The following PHF21A variants were observed in gnomAD, a reference collection of about 807,000 sequenced individuals.
PHF21A encodes the protein BHC80a.
A neutral mutation model predicts 82.5 loss-of-function variants in PHF21A; 11 were observed. That is an observed-to-expected ratio of 0.13 (90% CI 0.08 to 0.22). The LOEUF (loss-of-function observed/expected upper bound fraction) is 0.22, where lower values mean the gene tolerates loss of function less well. Ranked by LOEUF, PHF21A falls within the 10% of genes least tolerant of loss-of-function variation. The pLI is 1.00. For missense variants in PHF21A, 579 were observed against 837.8 expected (o/e 0.69, Z 3.81); for synonymous variants, 297 against 302.8 (o/e 0.98, Z 0.20).
chr11:45,937,892 T>C (rs2089460183), intron 16 of PHF21A, among the ~76,000 whole-genome samples: 1 of 152,248 alleles, frequency 6.6e-6, no homozygotes, highest in Admixed American at 6.5e-5. Context: ...TGAGGCACAC[T>C]GGACTTTAAA....
chr11:45,971,728 C>T (rs1232048099), intron 7 of PHF21A, among the ~76,000 whole-genome samples: 1 of 151,834 alleles, frequency 6.6e-6, no homozygotes, highest in Non-Finnish European at 1.5e-5. Flanking sequence ...TGCTTGCTGT[C>T]AATTAATTTA....
rs187254555 is a variant in PHF21A, at chr11:46,070,949, A to G, written c.153+5805T>C. Among the ~76,000 whole-genome samples the G allele has an allele frequency of 4.6e-5, 7 of 152,326 alleles. No homozygotes were observed. The East Asian group carries it at 7.7e-4, about 17-fold the overall frequency. ...AAATCACTTATTATCAATATATGCTATTAATGTGATATAGCCTTTTCTGGG... is the reference window on the plus strand; with the variant it reads ...AAATCACTTATTATCAATATATGCTGTTAATGTGATATAGCCTTTTCTGGG... On this transcript the variant is annotated intron_variant, in intron 6 of 18. Transcript: ENST00000676320.
chr11:45,953,456 T>C, intron 11 of PHF21A, 71 bp downstream of exon 11: 4 of 863,612 alleles, frequency 4.6e-6, no homozygotes, highest in South Asian at 2.7e-5. Flanking sequence ...AGAGAGCAGG[T>C]GCCCCTCCTG....
At chr11:46,099,731 T>A (rs2097065334) in intron 1 of PHF21A, among the ~76,000 whole-genome samples, 1 of 152,140 alleles carries the variant, frequency 6.6e-6, no homozygotes, top group South Asian at 2.1e-4. Context: ...CTAAAAGAAT[T>A]AACATTTATT....
chr11:45,954,186 G>A (rs1317972771), intron 10 of PHF21A, among the ~76,000 whole-genome samples: 2 of 152,002 alleles, frequency 1.3e-5, no homozygotes, highest in Non-Finnish European at 1.5e-5. Flanking sequence ...TAGTAGAGAC[G>A]GGGTTTCACC....
At chr11:46,030,820 CGTGT>C (rs1019260318) in intron 6 of PHF21A, among the ~76,000 whole-genome samples, 2 of 75,286 alleles carry the variant, frequency 2.7e-5, no homozygotes, top group Non-Finnish European at 5.4e-5. Context: ...TGTGTGTGTG[CGTGT>C]GTGTGCGTGT....
At chr11:46,018,244 C>G (rs1383456271) in intron 6 of PHF21A, among the ~76,000 whole-genome samples, 241 of 138,412 alleles carry the variant, frequency 1.7e-3, no homozygotes, top group Non-Finnish European at 2.7e-3. Context: ...AGCGAGACTC[C>G]GTCTCAAAAA....
intron 1 of PHF21A, among the ~76,000 whole-genome samples, chr11:46,110,182 T>G (rs185945848): frequency 6.6e-6 from 1 of 152,258 alleles, no homozygotes; most frequent in Non-Finnish European, 1.5e-5. Flanking sequence ...TTCATGAGTA[T>G]TATCTTATCT....
At chr11:45,972,774 C>A (rs1397330351) in intron 7 of PHF21A, among the ~76,000 whole-genome samples, 2 of 152,204 alleles carry the variant, frequency 1.3e-5, no homozygotes, top group Non-Finnish European at 2.9e-5. Flanking sequence ...ATCAGCCAGG[C>A]CTGGTGGCAG....
chr11:46,003,130 G>A (rs2095193196), intron 6 of PHF21A, among the ~76,000 whole-genome samples: 1 of 152,044 alleles, frequency 6.6e-6, no homozygotes, highest in Non-Finnish European at 1.5e-5. Context: ...AAAAACAGGA[G>A]TAGAATAATT....
Position 45,977,860 on chromosome 11 carries a change from A to G in PHF21A, c.360+1900T>C, listed in dbSNP as rs571815159. ...TTCTTCTTCTTTTTTTTTTTTTGGT[A>G]TTGAATGGCAGTACAGAAGAGTAGT... On this transcript the variant is annotated intron_variant, in intron 7 of 18. Transcript: ENST00000676320. Among the ~76,000 whole-genome samples, 7 of 113,086 alleles carry G rather than the reference A, an allele frequency of 6.2e-5. 1 individual carries two copies. In the South Asian group the frequency reaches 7.9e-4, roughly 13 times the overall value. The allele number at this position is 113,086 out of a possible 152,430, so 74.2% of individuals were successfully genotyped here. A position where few individuals can be genotyped will look rare whatever the true frequency, so the allele number is the denominator to read the frequency against.
chr11:46,093,500 T>C (rs1356660544), intron 1 of PHF21A, among the ~76,000 whole-genome samples: 3 of 152,234 alleles, frequency 2.0e-5, no homozygotes, highest in Non-Finnish European at 4.4e-5. Context: ...CTTTAGCAGC[T>C]GTCCTTTTTA....
At chr11:45,967,240 C>A (rs2135976106) in intron 9 of PHF21A, among the ~76,000 whole-genome samples, 1 of 152,090 alleles carries the variant, frequency 6.6e-6, no homozygotes, top group African/African-American at 2.4e-5. Flanking sequence ...TGGTGGCACA[C>A]ACTTGTAATC....
chr11:46,070,408 G>A (rs2096643117), intron 6 of PHF21A, among the ~76,000 whole-genome samples: 1 of 151,678 alleles, frequency 6.6e-6, no homozygotes, highest in South Asian at 2.1e-4. Context: ...TTGGCTCCCT[G>A]CAGCCTCTGC....
chr11:45,940,998 A>C (rs996927661), intron 15 of PHF21A, among the ~76,000 whole-genome samples: 3 of 152,214 alleles, frequency 2.0e-5, no homozygotes, highest in Non-Finnish European at 4.4e-5. Context: ...TATACCCTAT[A>C]ATTTTTGGTG....
chr11:46,030,365 T>G (rs1592213195), intron 6 of PHF21A, among the ~76,000 whole-genome samples: 2 of 152,268 alleles, frequency 1.3e-5, no homozygotes, highest in African/African-American at 4.8e-5. Context: ...CACGATCTTT[T>G]ATTCTTACCA....
At chr11:46,099,984 T>C (rs1368627739) in intron 1 of PHF21A, among the ~76,000 whole-genome samples, 6 of 152,200 alleles carry the variant, frequency 3.9e-5, no homozygotes, top group African/African-American at 4.8e-5. Flanking sequence ...ACCACTGCTA[T>C]CCTTAATGAA....
chr11:45,978,257 C>T (rs571531999), intron 7 of PHF21A, among the ~76,000 whole-genome samples: 2 of 152,176 alleles, frequency 1.3e-5, no homozygotes, highest in African/African-American at 4.8e-5. Context: ...GCCAAGACTG[C>T]GCCACTGCAC....
intron 6 of PHF21A, among the ~76,000 whole-genome samples, chr11:46,028,931 C>T (rs913557776): frequency 6.6e-6 from 1 of 152,062 alleles, no homozygotes; most frequent in Non-Finnish European, 1.5e-5. Flanking sequence ...ATTACTATGC[C>T]CCAAAGGACT....
Sources: gnomAD v4.1 joint callset for allele counts (sites outside exome capture counted in the v4.1 genomes callset) on GRCh38, gnomAD v4.1.1 for gene constraint, MANE v1.5 for transcripts, NCBI Gene and HGNC (gene_info 2026-07-23, HGNC 2026-07-21) for gene names.